HTN1: variants seen among roughly 807,000 people sequenced by gnomAD.
HTN1 encodes histatin 1, also known as histatin-1.
HTN1 carries 18 observed loss-of-function variants against 11.2 expected under a neutral mutation model. The ratio of observed to expected loss-of-function variants is 1.61; its 90% CI spans 1.12 to 2.39. The LOEUF is 2.39. Among genes scored for constraint, HTN1 ranks in the 30% most tolerant of loss-of-function variants. The probability of loss-of-function intolerance (pLI) is 0.00; values close to 1 mark genes in which losing one functional copy is unlikely to be tolerated. For synonymous variants in HTN1, 21 were observed against 20.5 expected, an observed-to-expected ratio of 1.02 and a Z score of -0.07; for missense variants, 80 against 67.2, an observed-to-expected ratio of 1.19 and a Z score of -0.67.
chr4:70,051,081 C>CTTGTCTA (rs113149394), intron 1 of HTN1, among the ~76,000 whole-genome samples: 3,224 of 152,090 alleles, frequency 0.021, 106 homozygotes, highest in African/African-American at 0.073. Flanking sequence ...TTTTTATTTC[C>CTTGTCTA]TTGTCTAGAT....
intron 5 of HTN1, chr4:70,056,026 C>T (rs771556042): frequency 6.5e-6 from 1 of 152,976 alleles, no homozygotes; most frequent in African/African-American, 2.4e-5. Context: ...CTATAAATTA[C>T]TTTGATCAGT....
chr4:70,054,055 C>T (rs1578183668), intron 2 of HTN1, among the ~76,000 whole-genome samples: 1 of 152,154 alleles, frequency 6.6e-6, no homozygotes, highest in East Asian at 1.9e-4. Context: ...CTCTCTTATT[C>T]ACCAGTGACA....
At chr4:70,058,406 G>A (rs978582174) in intron 5 of HTN1, 174 bp from the exon 6 acceptor site, 2 of 152,026 alleles carry the variant, frequency 1.3e-5, no homozygotes, top group African/African-American at 2.4e-5. Context: ...TATTTATTCT[G>A]ATACCCACTT....
chr4:70,056,397 T>C (rs1726043303), intron 5 of HTN1: 1 of 151,966 alleles, frequency 6.6e-6, no homozygotes, highest in Non-Finnish European at 1.5e-5. Flanking sequence ...TCAAGACAGA[T>C]TAAAAACTTA....
intron 2 of HTN1, 136 bp downstream of exon 2, chr4:70,053,263 G>A: frequency 1.8e-6 from 1 of 553,410 alleles, no homozygotes; most frequent in South Asian, 2.9e-5. Context: ...CCTACAAGGA[G>A]TTTCTTTGAA....
intron 5 of HTN1, chr4:70,058,334 G>T (rs1478392109): frequency 2.0e-5 from 3 of 152,070 alleles, no homozygotes; most frequent in East Asian, 3.9e-4. Flanking sequence ...AATAAAGTAA[G>T]ATGATGATGG....
intron 1 of HTN1, among the ~76,000 whole-genome samples, chr4:70,052,216 C>T (rs1478667756): frequency 6.6e-6 from 1 of 152,164 alleles, no homozygotes; most frequent in African/African-American, 2.4e-5. Context: ...TACCCAATAT[C>T]ACTAATGTTC....
At chr4:70,058,370 A>C (rs542770784) in intron 5 of HTN1, 27 of 152,268 alleles carry the variant, frequency 1.8e-4, no homozygotes, top group African/African-American at 6.5e-4. Context: ...ATTTAAATTT[A>C]ATTGCAAATG....
In HTN1 at chr4:70,054,466, A is replaced by C; in HGVS notation, c.102+16A>C. Reference sequence around the variant, plus strand: ...AAAATTCCATGTAAGTGTTCTTCTGATAATGTGCACTCTAAATAAATTTTC... The same window carrying C: ...AAAATTCCATGTAAGTGTTCTTCTGCTAATGTGCACTCTAAATAAATTTTC... On this transcript the variant is annotated intron_variant, in intron 4 of 5. Coordinates refer to ENST00000246896, the MANE Select transcript of HTN1 (RefSeq NM_002159.4). 6.9e-7 allele frequency: 1 copy of C among 1,457,526 alleles called. No homozygotes were observed. Among genetic ancestry groups the C allele is most frequent in the Non-Finnish European group, 9.5e-7 (1 of 1,049,658 alleles). The allele number at this position is 1,457,526 out of a possible 1,614,324, so 90.3% of individuals were successfully genotyped here. A position where few individuals can be genotyped will look rare whatever the true frequency, so the allele number is the denominator to read the frequency against.
At chr4:70,053,173 C>A in intron 2 of HTN1, 46 bp downstream of exon 2, 3 of 1,218,972 alleles carry the variant, frequency 2.5e-6, no homozygotes, top group Non-Finnish European at 3.6e-6. Context: ...CAGTACTTAT[C>A]CCAAGTGTCT....
chr4:70,055,238 G>A (rs1454913585), intron 4 of HTN1, among the ~76,000 whole-genome samples: 1 of 151,912 alleles, frequency 6.6e-6, no homozygotes, highest in Admixed American at 6.6e-5. Flanking sequence ...GGTTAGAGAG[G>A]TTACCTATAA....
chr4:70,054,607 T>C (rs1725987612), intron 4 of HTN1, among the ~76,000 whole-genome samples, 157 bp downstream of exon 4: 2 of 152,064 alleles, frequency 1.3e-5, no homozygotes, highest in Admixed American at 6.6e-5. Context: ...AGGCAAAAAG[T>C]CACAAATATC....
intron 1 of HTN1, among the ~76,000 whole-genome samples, chr4:70,051,906 C>T (rs1725903199): frequency 1.3e-5 from 2 of 152,022 alleles, no homozygotes; most frequent in Non-Finnish European, 2.9e-5. Context: ...TACTTTATAA[C>T]TGCAATTAAC....
At chr4:70,054,908 A>G (rs1413870383) in intron 4 of HTN1, among the ~76,000 whole-genome samples, 1 of 152,032 alleles carries the variant, frequency 6.6e-6, no homozygotes, top group Non-Finnish European at 1.5e-5. Flanking sequence ...TTCTCACTGT[A>G]TGTATATAAA....
chr4:70,051,795 C>G (rs1473020150), intron 1 of HTN1, among the ~76,000 whole-genome samples: 2 of 151,826 alleles, frequency 1.3e-5, no homozygotes, highest in Non-Finnish European at 2.9e-5. Flanking sequence ...AAGAGCAGGA[C>G]ATTTTATTAT....
intron 1 of HTN1, among the ~76,000 whole-genome samples, chr4:70,051,752 T>C (rs1221861891): frequency 6.6e-6 from 1 of 152,142 alleles, no homozygotes; most frequent in Non-Finnish European, 1.5e-5. Flanking sequence ...AATCTTGGGT[T>C]CTGCTTTTCA....
Position 70,055,543 on chromosome 4 carries a change from G to A in HTN1, c.148G>A (p.Gly50Arg). Residue 50 changes from glycine to arginine, a missense_variant, in exon 5 of 6, where the codon GGA (glycine) becomes AGA (arginine). Transcript: ENST00000246896. Reference protein sequence around the residue: ...HREFPFYGDYGSNYLYDN With the variant: ...HREFPFYGDYRSNYLYDN ...AGAATTTCCATTTTATGGGGACTAT[G>A]GATCAAATTATCTATATGACAATTG... The A allele has an allele frequency of 1.3e-6, 2 of 1,593,440 alleles. No individual in the cohort carries two copies. Among genetic ancestry groups the A allele is most frequent in the Non-Finnish European group, 8.6e-7 (1 of 1,162,204 alleles).
At chr4:70,054,993 T>C (rs1578184137) in intron 4 of HTN1, among the ~76,000 whole-genome samples, 2 of 152,156 alleles carry the variant, frequency 1.3e-5, no homozygotes, top group East Asian at 3.9e-4. Flanking sequence ...ATAGCAAGTA[T>C]ACATGTTAAA....
At position 70,054,460 on chromosome 4, in the gene HTN1, C is replaced by T. The variant is rs376455807; in HGVS notation, c.102+10C>T. The T allele has an allele frequency of 5.6e-5, 83 of 1,470,744 alleles. 1 individual carries two copies. The South Asian group carries it at 6.5e-4, about 11-fold the overall frequency. 91.1% of individuals were successfully genotyped at this position (1,470,744 alleles called of 1,614,324 possible). A position where few individuals can be genotyped will look rare whatever the true frequency, so the allele number is the denominator to read the frequency against. On this transcript the variant is annotated intron_variant, in intron 4 of 5. Coordinates refer to ENST00000246896, the MANE Select transcript of HTN1 (RefSeq NM_002159.4). ...TAGAAGAAAATTCCATGTAAGTGTT[C>T]TTCTGATAATGTGCACTCTAAATAA...
Sources: gnomAD v4.1 joint callset for allele counts (sites outside exome capture counted in the v4.1 genomes callset) on GRCh38, gnomAD v4.1.1 for gene constraint, MANE v1.5 for transcripts, NCBI Gene and HGNC (gene_info 2026-07-23, HGNC 2026-07-21) for gene names.